The following CCNY variants were observed in gnomAD, a reference collection of about 807,000 sequenced individuals.
The protein encoded by CCNY is cyclin-Y.
Under a neutral mutation model 42.8 loss-of-function variants are expected in CCNY, and 19 were observed. The observed-to-expected ratio is 0.44, with a 90% CI of 0.31 to 0.65. The LOEUF (loss-of-function observed/expected upper bound fraction) is 0.65, where lower values mean the gene tolerates loss of function less well. Ranked by LOEUF, CCNY falls within the 30% of genes least tolerant of loss-of-function variation. The pLI is 0.07. For missense variants in CCNY, 370 were observed against 437.3 expected (o/e 0.85, Z 1.37); for synonymous variants, 165 against 162.7 (o/e 1.01, Z -0.11).
chr10:35,328,082 C>T (rs1399636430), intron 3 of CCNY, among the ~76,000 whole-genome samples: 1 of 152,158 alleles, frequency 6.6e-6, no homozygotes, highest in Non-Finnish European at 1.5e-5. Context: ...ATTCCAAATA[C>T]CACTTCTCAA....
At chr10:35,482,516 T>C (rs1380950384) in intron 1 of CCNY, among the ~76,000 whole-genome samples, 1 of 152,190 alleles carries the variant, frequency 6.6e-6, no homozygotes, top group Non-Finnish European at 1.5e-5. Flanking sequence ...TCCTGACAAG[T>C]TGTAGACCTT....
Position 35,287,442 on chromosome 10 carries a change from CAGA to C in CCNY, c.-9+36818_-9+36820del, listed in dbSNP as rs545246846. Among the ~76,000 whole-genome samples the C allele has an allele frequency of 1.8e-4, 27 of 152,260 alleles. 1 individual carries two copies. The South Asian group carries it at 3.9e-3, about 22-fold the overall frequency. ...CATAATAACCACCAAAATCAAGACA[CAGA>C]ATATTTCTATCACCCCTAAAAGTTC... is the stretch of plus-strand genomic sequence containing the variant. On this transcript the variant is annotated intron_variant, in intron 3 of 11. Transcript: ENST00000374706.
intron 2 of CCNY, among the ~76,000 whole-genome samples, chr10:35,487,841 G>A (rs191014122): frequency 4.1e-4 from 63 of 152,298 alleles, no homozygotes; most frequent in African/African-American, 1.3e-3. Context: ...GGGTAGAGAA[G>A]TTTGCCAGGC....
At chr10:35,297,916 C>G (rs1835490526) in intron 3 of CCNY, among the ~76,000 whole-genome samples, 1 of 151,808 alleles carries the variant, frequency 6.6e-6, no homozygotes, top group Admixed American at 6.6e-5. Flanking sequence ...GCCATACTGC[C>G]CAAAGCAACT....
At chr10:35,448,911 T>C (rs1838852370) in intron 1 of CCNY, among the ~76,000 whole-genome samples, 1 of 151,934 alleles carries the variant, frequency 6.6e-6, no homozygotes, top group African/African-American at 2.4e-5. Context: ...GCAGTGTGGG[T>C]TAGACCCTGA....
At chr10:35,529,806 G>T (rs1323669315) in intron 5 of CCNY, among the ~76,000 whole-genome samples, 167 bp from the exon 6 acceptor site, 1 of 151,570 alleles carries the variant, frequency 6.6e-6, no homozygotes, top group African/African-American at 2.4e-5. Context: ...GGAGGTGGAG[G>T]TTGCAGTGAG....
chr10:35,249,876 CCT>C (rs2135019275), intron 2 of CCNY, among the ~76,000 whole-genome samples: 1 of 152,178 alleles, frequency 6.6e-6, no homozygotes, highest in Non-Finnish European at 1.5e-5. Flanking sequence ...ATGGTGAAAC[CCT>C]GTCTCTACTA....
At chr10:35,348,268 G>A (rs1241277946) in intron 1 of CCNY, among the ~76,000 whole-genome samples, 1 of 152,196 alleles carries the variant, frequency 6.6e-6, no homozygotes, top group African/African-American at 2.4e-5. Flanking sequence ...TGTAAGATAA[G>A]TCTGATGTCT....
chr10:35,376,380 G>C (rs1470879303), intron 1 of CCNY, among the ~76,000 whole-genome samples: 2 of 152,196 alleles, frequency 1.3e-5, no homozygotes, highest in Admixed American at 1.3e-4. Flanking sequence ...AGCATTATTG[G>C]TGATAGGCAA....
intron 1 of CCNY, among the ~76,000 whole-genome samples, chr10:35,451,879 A>G (rs979165073): frequency 6.6e-6 from 1 of 152,152 alleles, no homozygotes; most frequent in Non-Finnish European, 1.5e-5. Flanking sequence ...GGCGAGCCAC[A>G]CATTCCACAC....
At chr10:35,264,081 T>C (rs778154380) in intron 3 of CCNY, among the ~76,000 whole-genome samples, 1 of 152,250 alleles carries the variant, frequency 6.6e-6, no homozygotes, top group Non-Finnish European at 1.5e-5. Context: ...AGTCTATCAC[T>C]GATGGGCATT....
chr10:35,296,733 C>T (rs1419827416), intron 3 of CCNY, among the ~76,000 whole-genome samples: 1 of 152,240 alleles, frequency 6.6e-6, no homozygotes, highest in Non-Finnish European at 1.5e-5. Flanking sequence ...TGGACACATA[C>T]CACCTCCCAA....
intron 1 of CCNY, among the ~76,000 whole-genome samples, chr10:35,370,746 C>T (rs1422412847): frequency 3.3e-5 from 5 of 151,346 alleles, no homozygotes; most frequent in African/African-American, 4.9e-5. Flanking sequence ...GATGGAGTCT[C>T]GCACTTTCGC....
chr10:35,249,822 G>A (rs990708713), intron 2 of CCNY, among the ~76,000 whole-genome samples: 2 of 152,186 alleles, frequency 1.3e-5, no homozygotes, highest in Non-Finnish European at 2.9e-5. Context: ...GACTGAGGGA[G>A]GCAGACTGCT....
intron 3 of CCNY, among the ~76,000 whole-genome samples, chr10:35,254,687 A>G (rs1250109984): frequency 1.3e-5 from 2 of 151,860 alleles, no homozygotes; most frequent in Admixed American, 6.6e-5. Flanking sequence ...AATTAGCCAG[A>G]CATGGTGGAC....
At position 35,488,538 on chromosome 10, in the gene CCNY, G is replaced by A. The variant is rs188136430; in HGVS notation, c.229+5060G>A. On this transcript the variant is annotated intron_variant, in intron 2 of 9. Transcript: ENST00000374704. ...TTTCTCCAGCTGCCCTCAGTTGCTC[G>A]GTGTGTCTCCTTCAGGGCATGTCAA... Among the ~76,000 whole-genome samples the A allele has an allele frequency of 5.3e-5, 8 of 152,124 alleles. No individual in the cohort carries two copies. The East Asian group carries it at 1.2e-3, about 22-fold the overall frequency.
chr10:35,567,246 G>A (rs981852236), intron 9 of CCNY, among the ~76,000 whole-genome samples: 1 of 152,194 alleles, frequency 6.6e-6, no homozygotes, highest in Admixed American at 6.5e-5. Flanking sequence ...AGAGCTGAGG[G>A]CAGCACCACT....
At chr10:35,334,769 G>T (rs1330352646), upstream of CCNY, among the ~76,000 whole-genome samples, 1 of 152,194 alleles carries the variant, frequency 6.6e-6, no homozygotes, top group Admixed American at 6.5e-5. Context: ...ACTTTGAGAG[G>T]GAGGGAAAGC....
chr10:35,517,698 G>A (rs1840458238), intron 4 of CCNY, among the ~76,000 whole-genome samples: 1 of 152,182 alleles, frequency 6.6e-6, no homozygotes, highest in South Asian at 2.1e-4. Flanking sequence ...GATCTAAGTG[G>A]CAATGCAGCC....
Sources: gnomAD v4.1 joint callset for allele counts (sites outside exome capture counted in the v4.1 genomes callset) on GRCh38, gnomAD v4.1.1 for gene constraint, MANE v1.5 for transcripts, NCBI Gene and HGNC (gene_info 2026-07-23, HGNC 2026-07-21) for gene names.